The following LAMA4 variants were observed in gnomAD, a reference collection of about 807,000 sequenced individuals.
The protein encoded by LAMA4 is laminin subunit alpha-4.
LAMA4 carries 127 observed loss-of-function variants against 207.1 expected under a neutral mutation model. The observed-to-expected ratio is 0.61, with a 90% CI of 0.53 to 0.71. LAMA4 has a LOEUF of 0.71. Ranked by LOEUF, LAMA4 falls within the 30% of genes least tolerant of loss-of-function variation. The pLI, the probability that LAMA4 is intolerant of heterozygous loss-of-function variation, is 0.00. For synonymous variants in LAMA4, 761 were observed against 816.0 expected, an observed-to-expected ratio of 0.93 and a Z score of 1.15; for missense variants, 2,093 against 2,246.5, an observed-to-expected ratio of 0.93 and a Z score of 1.38.
chr6:112,156,670 G>A (rs1231020330), intron 14 of LAMA4, among the ~76,000 whole-genome samples: 6 of 151,870 alleles, frequency 4.0e-5, no homozygotes, highest in African/African-American at 1.5e-4. Flanking sequence ...TCATTTGTCA[G>A]TAACTTCCAG....
At chr6:112,144,071 G>A (rs1304383405) in intron 19 of LAMA4, among the ~76,000 whole-genome samples, 1 of 152,002 alleles carries the variant, frequency 6.6e-6, no homozygotes, top group Non-Finnish European at 1.5e-5. Context: ...CATATACTTT[G>A]GTCATAAAAA....
chr6:112,200,225 A>C (rs1554351820), intron 5 of LAMA4: 2 of 519,226 alleles, frequency 3.9e-6, no homozygotes, highest in South Asian at 1.5e-5. Flanking sequence ...GAGAGAAAAG[A>C]GTGTCATGTG....
Position 112,117,631 on chromosome 6 carries a change from G to A in LAMA4, c.4981+108C>T. The A allele has an allele frequency of 9.2e-7, 1 of 1,089,042 alleles. No homozygotes were observed. The highest frequency in any genetic ancestry group is 1.3e-5 in the South Asian group (1 of 79,310). 67.5% of individuals were successfully genotyped at this position (1,089,042 alleles called of 1,614,324 possible). A position where few individuals can be genotyped will look rare whatever the true frequency, so the allele number is the denominator to read the frequency against. ...CTTGTGGGAAGAGGTCATCTTCTAG[G>A]GCTGAGTTTGGCATTCTTAAGTTTT... is the stretch of plus-strand genomic sequence containing the variant. On this transcript the variant is annotated intron_variant, in intron 35 of 38. Transcript: ENST00000230538. This position sits in a 1 kb window ranked among gnomAD's most constrained non-coding sequence, Gnocchi z 4.5.
intron 11 of LAMA4, 22 bp downstream of exon 11, chr6:112,175,291 G>C: frequency 6.2e-7 from 1 of 1,612,572 alleles, no homozygotes; most frequent in Non-Finnish European, 8.5e-7. Flanking sequence ...TGCTGGGTCA[G>C]CTATGAGAGG....
In LAMA4 at chr6:112,110,858, T is replaced by TA. The variant is rs1339489718; in HGVS notation, c.5327-1277dup. Among the ~76,000 whole-genome samples the TA allele has an allele frequency of 5.9e-5, 9 of 152,272 alleles. No homozygotes were observed. The South Asian group carries it at 1.9e-3, about 32-fold the overall frequency. ...GAATAATTCACCATACAATTAATTG[T>TA]AGGTAGTGACAGTACAGTGCCCTAG... On this transcript the variant is annotated intron_variant, in intron 38 of 38. Coordinates refer to ENST00000230538, the MANE Select transcript of LAMA4 (RefSeq NM_001105206.3).
chr6:112,119,843 T>C (rs889236335), intron 33 of LAMA4, among the ~76,000 whole-genome samples: 2 of 152,232 alleles, frequency 1.3e-5, no homozygotes, highest in African/African-American at 4.8e-5. Context: ...CATGTTACAT[T>C]GCTTACTCTT....
intron 12 of LAMA4, among the ~76,000 whole-genome samples, chr6:112,168,665 T>A (rs1781539641): frequency 6.6e-6 from 1 of 151,342 alleles, no homozygotes; most frequent in South Asian, 2.1e-4. Flanking sequence ...AGGGTTAAGG[T>A]GGACTACCTG....
chr6:112,184,519 G>GT (rs1782569281), intron 9 of LAMA4, among the ~76,000 whole-genome samples: 1 of 152,012 alleles, frequency 6.6e-6, no homozygotes, highest in Non-Finnish European at 1.5e-5. Flanking sequence ...GCTTTTACAA[G>GT]TTGTATTTTT....
intron 2 of LAMA4, among the ~76,000 whole-genome samples, chr6:112,252,354 A>G (rs72952403): frequency 0.023 from 3,563 of 152,334 alleles, 62 homozygotes; most frequent in Non-Finnish European, 0.035. Flanking sequence ...TGAGCACATA[A>G]GAAATTTCCT....
chr6:112,116,021 A>G, intron 35 of LAMA4, 28 bp from the exon 36 acceptor site: 3 of 1,594,294 alleles, frequency 1.9e-6, no homozygotes, highest in Non-Finnish European at 2.6e-6. Context: ...ATAAACTCCC[A>G]AGAACAGCAA....
rs368543835 is a variant in LAMA4 at position 112,142,183 on chromosome 6, G to T, written c.2603C>A (p.Pro868His). ...CTCGGTCAGTTCCGGCCGCTTCACA[G>T]GGGGTTTCATGTACAGGCTCAGAGA... ...FTSLSLYMKP[P>H]VKRPELTETA... is the part of the protein sequence containing the mutation. Residue 868 changes from proline (P) to histidine (H), a missense_variant, in exon 20 of 39, where the codon CCT becomes CAT. Coordinates refer to ENST00000230538, the MANE Select transcript of LAMA4 (RefSeq NM_001105206.3). 1.2e-6 allele frequency: 2 copies of T among 1,613,984 alleles called. No individual in the cohort carries two copies. The highest frequency in any genetic ancestry group is 1.3e-5 in the African/African-American group (1 of 74,904).
At chr6:112,243,089 G>A (rs1204390608) in intron 2 of LAMA4, among the ~76,000 whole-genome samples, 17 of 152,128 alleles carry the variant, frequency 1.1e-4, no homozygotes, top group African/African-American at 3.9e-4. Context: ...GATAGAGTAG[G>A]GGGTAGCACC....
intron 5 of LAMA4, among the ~76,000 whole-genome samples, chr6:112,197,834 T>C (rs534894444): frequency 6.6e-6 from 1 of 152,334 alleles, no homozygotes; most frequent in East Asian, 1.9e-4. Context: ...TTGTCTGTAA[T>C]GTGTCATTGA....
intron 2 of LAMA4, among the ~76,000 whole-genome samples, chr6:112,247,068 G>A (rs1894682): frequency 0.28 from 41,997 of 152,126 alleles, 6,757 homozygotes; most frequent in Non-Finnish European, 0.37. Context: ...AGATAGTGTA[G>A]AGCTTTACCT....
chr6:112,190,943 CTTTCCTTTCTTT>C (rs1371742941), intron 6 of LAMA4, among the ~76,000 whole-genome samples: 796 of 41,736 alleles, frequency 0.019, 3 homozygotes, highest in East Asian at 0.07. Flanking sequence ...TTCTTTCTTT[CTTTCCTTTCTTT>C]CTTTCTTTCT....
chr6:112,119,224 T>C lies in LAMA4; in HGVS notation c.4753A>G (p.Thr1585Ala). ...TAAATGGGACCCTTGATTTTCCAGGTAGCTTCAGTAGGAGGAAGACTTTCT... is the reference window on the plus strand; with the variant it reads ...TAAATGGGACCCTTGATTTTCCAGGCAGCTTCAGTAGGAGGAAGACTTTCT... ...LEESLPPTEA[T>A]WKIKGPIYLG... The change falls in exon 34 of 39, where the codon ACC (threonine) becomes GCC (alanine). Residue 1585 changes from threonine to alanine, a missense_variant. By Grantham distance (58) the Thr-to-Ala change is moderately conservative (BLOSUM62 0). Transcript: ENST00000230538. 6.2e-7 allele frequency: 1 copy of C among 1,614,082 alleles called. No individual in the cohort carries two copies. Among genetic ancestry groups the C allele is most frequent in the Non-Finnish European group, 8.5e-7 (1 of 1,179,956 alleles).
At chr6:112,125,232 C>CT (rs146929668) in intron 31 of LAMA4, among the ~76,000 whole-genome samples, 2 of 152,104 alleles carry the variant, frequency 1.3e-5, no homozygotes, top group Non-Finnish European at 2.9e-5. Context: ...TATGAAGGAG[C>CT]TTTTTTTCCT....
At position 112,122,106 on chromosome 6, in the gene LAMA4, G is replaced by A. The variant is rs955947548; in HGVS notation, c.4383C>T (p.Asn1461=). The A allele has an allele frequency of 5.0e-6, 8 of 1,613,910 alleles. No individual in the cohort carries two copies. Among genetic ancestry groups the A allele is most frequent in the Non-Finnish European group, 6.8e-6 (8 of 1,179,854 alleles). The change falls in exon 32 of 39, where the codon AAC becomes AAT. Residue 1461 remains asparagine (N), a synonymous_variant. Coordinates refer to ENST00000230538, the MANE Select transcript of LAMA4 (RefSeq NM_001105206.3). ...TPRNSHCHLS[N]SPRAIEHAYQ... is the part of the protein sequence containing the mutation. ...AGGCGTGCTCTATTGCTCTAGGGCTGTTGGAAAGGTGGCAATGAGAGTTTC... is the reference window on the plus strand; with the variant it reads ...AGGCGTGCTCTATTGCTCTAGGGCTATTGGAAAGGTGGCAATGAGAGTTTC...
chr6:112,190,938 T>C (rs1415406628), intron 6 of LAMA4, among the ~76,000 whole-genome samples: 67 of 59,958 alleles, frequency 1.1e-3, no homozygotes, highest in African/African-American at 2.0e-3. Context: ...TTTCTTTCTT[T>C]CTTTCTTTCC....
Sources: allele counts gnomAD v4.1 joint callset (sites outside exome capture counted in the v4.1 genomes callset), GRCh38; gene constraint gnomAD v4.1.1; non-coding constraint Gnocchi (gnomAD v3.1); transcripts MANE v1.5; gene names NCBI Gene and HGNC (gene_info 2026-07-23, HGNC 2026-07-21).